Variants in CSMD1 observed in about 807,000 individuals in gnomAD.
CSMD1 encodes the protein CUB and sushi domain-containing protein 1.
Under a neutral mutation model 417.5 loss-of-function variants are expected in CSMD1, and 213 were observed. The ratio of observed to expected loss-of-function variants is 0.51; its 90% CI spans 0.46 to 0.57. The LOEUF (loss-of-function observed/expected upper bound fraction) is 0.57. Among genes scored for constraint, CSMD1 ranks in the 20% least tolerant of loss-of-function variants. The pLI is 0.00. For synonymous variants in CSMD1, 2,862 were observed against 1,736.8 expected (o/e 1.65, Z -16.11); for missense variants, 6,923 against 4,529.7 (o/e 1.53, Z -15.17).
intron 5 of CSMD1, among the ~76,000 whole-genome samples, chr8:3,943,230 T>C (rs1014456080): frequency 1.7e-4 from 26 of 152,162 alleles, no homozygotes; most frequent in Admixed American, 1.6e-3. Flanking sequence ...ATTTAACCTT[T>C]GTACAATCAA....
intron 40 of CSMD1, among the ~76,000 whole-genome samples, chr8:3,148,511 C>G (rs1818987085): frequency 1.3e-5 from 2 of 152,172 alleles, no homozygotes; most frequent in African/African-American, 4.8e-5. Flanking sequence ...GAAAACAAGA[C>G]TCATGACGCT....
At chr8:4,876,165 C>T (rs1170170522) in intron 1 of CSMD1, among the ~76,000 whole-genome samples, 1 of 152,006 alleles carries the variant, frequency 6.6e-6, no homozygotes, top group Admixed American at 6.5e-5. Context: ...TAGTCTATTT[C>T]CCTGCTGGGT....
intron 2 of CSMD1, among the ~76,000 whole-genome samples, chr8:4,430,231 A>G (rs1797796219): frequency 6.6e-6 from 1 of 152,160 alleles, no homozygotes; most frequent in African/African-American, 2.4e-5. Flanking sequence ...TTCTCATGCC[A>G]TGAATACTGG....
chr8:3,067,637 G>A (rs2128996848), intron 49 of CSMD1, among the ~76,000 whole-genome samples: 1 of 149,368 alleles, frequency 6.7e-6, no homozygotes, highest in Non-Finnish European at 1.5e-5. Flanking sequence ...TAATAACATT[G>A]ATCAACATTC....
chr8:4,013,634 T>C (rs548692401), intron 4 of CSMD1, among the ~76,000 whole-genome samples: 63 of 152,338 alleles, frequency 4.1e-4, no homozygotes, highest in Non-Finnish European at 7.2e-4. Flanking sequence ...ATTTATGTTA[T>C]CTATCTCCAC....
chr8:4,974,130 C>T (rs1297948346), intron 1 of CSMD1, among the ~76,000 whole-genome samples: 1 of 152,062 alleles, frequency 6.6e-6, no homozygotes, highest in African/African-American at 2.4e-5. Flanking sequence ...GATTCTTCTG[C>T]TTCAGCCTCC....
At chr8:3,332,349 G>T (rs905911141) in intron 23 of CSMD1, among the ~76,000 whole-genome samples, 9 of 152,228 alleles carry the variant, frequency 5.9e-5, no homozygotes, top group African/African-American at 2.2e-4. Context: ...GTTGCTGAGG[G>T]CTTGCCCGCT....
intron 3 of CSMD1, among the ~76,000 whole-genome samples, chr8:4,412,290 C>G (rs1382619408): frequency 6.6e-6 from 1 of 152,130 alleles, no homozygotes; most frequent in Admixed American, 6.5e-5. Flanking sequence ...TTACCACCAT[C>G]CTCTCGGTTG....
chr8:4,269,043 A>G (rs994775440), intron 3 of CSMD1, among the ~76,000 whole-genome samples: 1 of 152,150 alleles, frequency 6.6e-6, no homozygotes, highest in Non-Finnish European at 1.5e-5. Flanking sequence ...TTTCCAAGGT[A>G]TCATCTTCGT....
chr8:3,251,791 G>A (rs1251677445), intron 26 of CSMD1, among the ~76,000 whole-genome samples: 1 of 152,190 alleles, frequency 6.6e-6, no homozygotes, highest in Non-Finnish European at 1.5e-5. Flanking sequence ...TCCCTTGTCA[G>A]TTGGATTCAT....
intron 1 of CSMD1, among the ~76,000 whole-genome samples, chr8:4,717,667 T>A (rs1367282474): frequency 6.6e-6 from 1 of 151,910 alleles, no homozygotes; most frequent in Non-Finnish European, 1.5e-5. Flanking sequence ...TGGGAAGGAA[T>A]TTACAGAACT....
chr8:4,889,529 T>C (rs1803968796), intron 1 of CSMD1, among the ~76,000 whole-genome samples: 1 of 152,058 alleles, frequency 6.6e-6, no homozygotes. Context: ...CAGGAAGTTG[T>C]ATGAAAGGTA....
intron 2 of CSMD1, among the ~76,000 whole-genome samples, chr8:4,454,908 G>C (rs534165474): frequency 5.3e-5 from 8 of 152,216 alleles, no homozygotes; most frequent in African/African-American, 1.4e-4. Flanking sequence ...AGAAACTGAA[G>C]TCTTACAAAC....
intron 2 of CSMD1, among the ~76,000 whole-genome samples, chr8:4,470,663 G>T (rs567529089): frequency 6.6e-6 from 1 of 152,118 alleles, no homozygotes; most frequent in African/African-American, 2.4e-5. Flanking sequence ...TTTCTAAACG[G>T]CCATTAGTGC....
intron 2 of CSMD1, among the ~76,000 whole-genome samples, chr8:4,434,529 A>G (rs1177085795): frequency 6.6e-6 from 1 of 152,204 alleles, no homozygotes; most frequent in Non-Finnish European, 1.5e-5. Flanking sequence ...CTGATGAAGC[A>G]CTTAAGAGCA....
rs932070693 is a variant in CSMD1 at position 4,455,507 on chromosome 8, T to C, written c.303-35442A>G. Among the ~76,000 whole-genome samples, 6 of 152,290 alleles carry C rather than the reference T, an allele frequency of 3.9e-5. No homozygotes were observed. In the East Asian group the frequency reaches 7.7e-4, roughly 20 times the overall value. ...AATAGAGGAAGCTGGTTTCCATTTG[T>C]CTCTGCAGCTGGACCAGAAACACAT... On this transcript the variant is annotated intron_variant, in intron 2 of 69. Coordinates refer to ENST00000635120, the MANE Select transcript of CSMD1 (RefSeq NM_033225.6).
chr8:4,199,004 G>A (rs1479053050), intron 3 of CSMD1, among the ~76,000 whole-genome samples: 1 of 151,856 alleles, frequency 6.6e-6, no homozygotes, highest in African/African-American at 2.4e-5. Flanking sequence ...TTGCAAATGA[G>A]CAAAGTTCAC....
chr8:4,701,990 C>A (rs1332486359), intron 1 of CSMD1, among the ~76,000 whole-genome samples: 1 of 152,154 alleles, frequency 6.6e-6, no homozygotes, highest in African/African-American at 2.4e-5. Flanking sequence ...CCATTATCCT[C>A]AGCAAACTAA....
At chr8:4,804,973 A>G (rs1798508147) in intron 1 of CSMD1, among the ~76,000 whole-genome samples, 1 of 152,226 alleles carries the variant, frequency 6.6e-6, no homozygotes, top group African/African-American at 2.4e-5. Flanking sequence ...ATTAATTTCC[A>G]CTTCCTGGTA....
Sources: allele counts gnomAD v4.1 joint callset (sites outside exome capture counted in the v4.1 genomes callset), GRCh38; gene constraint gnomAD v4.1.1; transcripts MANE v1.5; gene names NCBI Gene and HGNC (gene_info 2026-07-23, HGNC 2026-07-21).